The following MB21D2 variants were observed in gnomAD, a reference collection of about 807,000 sequenced individuals.
MB21D2 encodes the protein nucleotidyltransferase MB21D2.
A neutral mutation model predicts 33.3 loss-of-function variants in MB21D2; 9 were observed. The ratio of observed to expected loss-of-function variants is 0.27; its 90% confidence interval spans 0.16 to 0.47. The LOEUF (loss-of-function observed/expected upper bound fraction) is 0.47, where lower values mean the gene tolerates loss of function less well. MB21D2 is among the 20% of genes least tolerant of loss of function. The pLI, the probability that MB21D2 is intolerant of heterozygous loss-of-function variation, is 0.99. For synonymous variants in MB21D2, 241 were observed against 236.3 expected, an observed-to-expected ratio of 1.02 and a Z score of -0.18; for missense variants, 540 against 624.6, an observed-to-expected ratio of 0.86 and a Z score of 1.44.
chr3:192,836,346 G>A (rs1240435675), intron 1 of MB21D2, among the ~76,000 whole-genome samples: 1 of 152,170 alleles, frequency 6.6e-6, no homozygotes, highest in Non-Finnish European at 1.5e-5. Context: ...ACACACAAAA[G>A]CAGCCTGGGT....
chr3:192,880,024 C>T (rs2108642216), intron 1 of MB21D2, among the ~76,000 whole-genome samples: 1 of 152,230 alleles, frequency 6.6e-6, no homozygotes. Flanking sequence ...TTTCTTGCCT[C>T]ACCAGTGGCT....
intron 1 of MB21D2, among the ~76,000 whole-genome samples, chr3:192,916,869 AAT>A (rs1196392112): frequency 1.3e-5 from 2 of 152,172 alleles, no homozygotes; most frequent in Non-Finnish European, 2.9e-5. Context: ...GCGCTAAGAC[AAT>A]ACACAAAGAG....
rs551556207 is a variant in MB21D2 at position 192,877,401 on chromosome 3, A to G, written c.211+40229T>C. ...ATAATAAAATCTGACAATCATTTTG[A>G]GTGTTCAGAACCATTTCAAACTAGT... On this transcript the variant is annotated intron_variant, in intron 1 of 1. Coordinates refer to ENST00000392452, the MANE Select transcript of MB21D2 (RefSeq NM_178496.4). Among the ~76,000 whole-genome samples the G allele has an allele frequency of 7.9e-5, 12 of 152,298 alleles. 1 individual carries two copies. The South Asian group carries it at 2.5e-3, about 32-fold the overall frequency.
At chr3:192,803,950 T>G (rs1394082524) in intron 1 of MB21D2, among the ~76,000 whole-genome samples, 1 of 152,226 alleles carries the variant, frequency 6.6e-6, no homozygotes, top group Non-Finnish European at 1.5e-5. Context: ...TGGGTGGGTC[T>G]CTTCTTTTCA....
At chr3:192,886,397 T>C (rs1713733557) in intron 1 of MB21D2, among the ~76,000 whole-genome samples, 1 of 152,182 alleles carries the variant, frequency 6.6e-6, no homozygotes, top group Non-Finnish European at 1.5e-5. Context: ...CTTAAGGTAT[T>C]TCCCTTGTAG....
chr3:192,848,710 C>T (rs1173016864), intron 1 of MB21D2, among the ~76,000 whole-genome samples: 5 of 152,218 alleles, frequency 3.3e-5, no homozygotes, highest in African/African-American at 1.2e-4. Context: ...ACACATGTAT[C>T]TCTACTTTTC....
chr3:192,831,565 T>G (rs1712315117), intron 1 of MB21D2, among the ~76,000 whole-genome samples: 3 of 152,336 alleles, frequency 2.0e-5, no homozygotes, highest in African/African-American at 7.2e-5. Flanking sequence ...GTATCTCAGA[T>G]GACTCATCTG....
In MB21D2 at chr3:192,889,778, A is replaced by G. The variant is rs531351740; in HGVS notation, c.211+27852T>C. 4.5e-4 allele frequency among the ~76,000 whole-genome samples: 69 copies of G among 152,302 alleles called. 1 individual carries two copies. Among genetic ancestry groups the G allele is most frequent in the African/African-American group, 1.6e-3 (67 of 41,518 alleles). On this transcript the variant is annotated intron_variant, in intron 1 of 1. Transcript: ENST00000392452. ...TTGTGAACTATTTCTAAAGCGTGCA[A>G]CATAACAAGAAAACATTATAACTCT...
chr3:192,822,413 T>C (rs1237170565), intron 1 of MB21D2, among the ~76,000 whole-genome samples: 1 of 152,200 alleles, frequency 6.6e-6, no homozygotes, highest in African/African-American at 2.4e-5. Context: ...ACTTCATTAA[T>C]AGTATAGGAA....
chr3:192,832,574 G>A (rs1052918109), intron 1 of MB21D2, among the ~76,000 whole-genome samples: 31 of 152,148 alleles, frequency 2.0e-4, no homozygotes, highest in Admixed American at 3.3e-4. Flanking sequence ...GGCGGATCAC[G>A]AGGTCAAGAG....
intron 1 of MB21D2, among the ~76,000 whole-genome samples, chr3:192,862,977 G>A (rs1713084012): frequency 6.6e-6 from 1 of 152,080 alleles, no homozygotes; most frequent in South Asian, 2.1e-4. Flanking sequence ...CTTTTGTAAG[G>A]GCACTAATCC....
At chr3:192,868,335 C>A (rs1271585111) in intron 1 of MB21D2, among the ~76,000 whole-genome samples, 2 of 152,110 alleles carry the variant, frequency 1.3e-5, no homozygotes, top group Non-Finnish European at 2.9e-5. Context: ...ACACAAGAAG[C>A]AAGTGGAGCA....
chr3:192,876,121 T>C (rs1234467227), intron 1 of MB21D2, among the ~76,000 whole-genome samples: 3 of 152,172 alleles, frequency 2.0e-5, no homozygotes, highest in African/African-American at 7.2e-5. Context: ...TGTTAAGACA[T>C]CCAATGGCAA....
At chr3:192,832,809 C>T (rs979744226) in intron 1 of MB21D2, among the ~76,000 whole-genome samples, 1 of 151,950 alleles carries the variant, frequency 6.6e-6, no homozygotes, top group Admixed American at 6.6e-5. Context: ...AAAAGGGGAC[C>T]GGGGGGAAGA....
Position 192,855,057 on chromosome 3 carries a change from G to A in MB21D2, c.212-55407C>T, listed in dbSNP as rs538407627. On this transcript the variant is annotated intron_variant, in intron 1 of 1. Coordinates refer to ENST00000392452, the MANE Select transcript of MB21D2 (RefSeq NM_178496.4). The stretch of plus-strand genomic sequence containing the variant: ...TCATGTACCAATGAGTAATTGTGAA[G>A]TAAAATTGAAGGCTCAGATGATTAT... Among the ~76,000 whole-genome samples the A allele has an allele frequency of 1.3e-3, 201 of 152,298 alleles. 1 individual carries two copies. The highest frequency in any genetic ancestry group is 4.8e-3 in the African/African-American group (198 of 41,566).
intron 1 of MB21D2, among the ~76,000 whole-genome samples, chr3:192,861,821 A>C (rs1713049841): frequency 6.6e-6 from 1 of 152,162 alleles, no homozygotes; most frequent in Non-Finnish European, 1.5e-5. Context: ...ACAACAAAAA[A>C]ACAAAAACAT....
intron 1 of MB21D2, among the ~76,000 whole-genome samples, chr3:192,878,374 C>G (rs115400158): frequency 0.011 from 1,624 of 152,244 alleles, 32 homozygotes; most frequent in African/African-American, 0.038. Flanking sequence ...CCTTTATAGA[C>G]CTCTCTCCCC....
At chr3:192,823,955 G>A (rs958219844) in intron 1 of MB21D2, among the ~76,000 whole-genome samples, 12 of 152,130 alleles carry the variant, frequency 7.9e-5, no homozygotes, top group Non-Finnish European at 1.3e-4. Context: ...AAAAGACAGT[G>A]AAAATCACTG....
chr3:192,805,787 G>A (rs1000468559), intron 1 of MB21D2, among the ~76,000 whole-genome samples: 6 of 152,166 alleles, frequency 3.9e-5, no homozygotes. Flanking sequence ...ACCCTTACAG[G>A]ATTGCTATGA....
Sources: gnomAD v4.1 joint callset for allele counts (sites outside exome capture counted in the v4.1 genomes callset) on GRCh38, gnomAD v4.1.1 for gene constraint, MANE v1.5 for transcripts, NCBI Gene and HGNC (gene_info 2026-07-23, HGNC 2026-07-21) for gene names.